The following SRRM4 variants were observed in gnomAD, a reference collection of about 807,000 sequenced individuals.
SRRM4 encodes the protein serine/arginine repetitive matrix 4.
Under a neutral mutation model 68.9 loss-of-function variants are expected in SRRM4, and 33 were observed. The ratio of observed to expected loss-of-function variants is 0.48; its 90% confidence interval spans 0.36 to 0.64. The LOEUF is 0.64. Ranked by LOEUF, SRRM4 falls within the 30% of genes least tolerant of loss-of-function variation. The probability of loss-of-function intolerance (pLI) is 0.00; values close to 1 mark genes in which losing one functional copy is unlikely to be tolerated. For synonymous variants in SRRM4, 318 were observed against 318.8 expected, an observed-to-expected ratio of 1.00 and a Z score of 0.03; for missense variants, 817 against 827.1, an observed-to-expected ratio of 0.99 and a Z score of 0.15.
At chr12:119,119,756 T>G (rs866256742) in intron 4 of SRRM4, among the ~76,000 whole-genome samples, 44 of 151,818 alleles carry the variant, frequency 2.9e-4, no homozygotes, top group African/African-American at 9.9e-4. Context: ...ACGGTGATGA[T>G]GAGGATGAGG....
At chr12:119,032,723 GT>G (rs1460308563) in intron 1 of SRRM4, among the ~76,000 whole-genome samples, 61 of 152,170 alleles carry the variant, frequency 4.0e-4, no homozygotes, top group African/African-American at 1.4e-3. Flanking sequence ...GATATTGCTG[GT>G]TCTTGGAGGT....
chr12:119,126,544 T>G (rs971126856), intron 7 of SRRM4, among the ~76,000 whole-genome samples: 5 of 152,282 alleles, frequency 3.3e-5, no homozygotes, highest in Admixed American at 2.0e-4. Context: ...CTAAGCAAAC[T>G]ATGTAAACCC....
At chr12:119,073,787 T>C (rs568286622) in intron 1 of SRRM4, among the ~76,000 whole-genome samples, 1 of 152,172 alleles carries the variant, frequency 6.6e-6, no homozygotes, top group South Asian at 2.1e-4. Flanking sequence ...GCCCTGCTAG[T>C]TTTTTAAATT....
intron 1 of SRRM4, among the ~76,000 whole-genome samples, chr12:119,072,571 C>T (rs1024775962): frequency 6.6e-6 from 1 of 152,116 alleles, no homozygotes; most frequent in Non-Finnish European, 1.5e-5. Context: ...ACTGTGTGCT[C>T]CGTGAGATAA....
chr12:119,075,711 T>TGGC (rs1953906972), intron 1 of SRRM4, among the ~76,000 whole-genome samples: 1 of 151,296 alleles, frequency 6.6e-6, no homozygotes, highest in African/African-American at 2.4e-5. Flanking sequence ...GTGATGATGG[T>TGGC]GATGTTGATG....
Position 119,082,890 on chromosome 12 carries a change from C to T in SRRM4, c.132-19346C>T, listed in dbSNP as rs549486847. On this transcript the variant is annotated intron_variant, in intron 1 of 12. Transcript: ENST00000267260. Reference sequence around the variant, plus strand: ...ATGGAGAAGGGTTTGGACTTGGGGACTTTAGCATTCTGCCTGATCTTTATG... The same window carrying T: ...ATGGAGAAGGGTTTGGACTTGGGGATTTTAGCATTCTGCCTGATCTTTATG... Among the ~76,000 whole-genome samples, 4 of 152,278 alleles carry T rather than the reference C, an allele frequency of 2.6e-5. No individual in the cohort carries two copies. The South Asian group carries it at 8.3e-4, about 32-fold the overall frequency.
intron 8 of SRRM4, among the ~76,000 whole-genome samples, chr12:119,139,380 T>C (rs1443512908): frequency 6.6e-6 from 1 of 152,210 alleles, no homozygotes; most frequent in African/African-American, 2.4e-5. Flanking sequence ...TTTCCTCCTC[T>C]TCTTGTGGAG....
intron 1 of SRRM4, among the ~76,000 whole-genome samples, chr12:119,090,988 C>G (rs1283151288): frequency 6.6e-6 from 1 of 152,174 alleles, no homozygotes; most frequent in Non-Finnish European, 1.5e-5. Context: ...ACTAACAAGC[C>G]CAGACCGCAG....
At chr12:119,006,318 G>A (rs1470079612) in intron 1 of SRRM4, among the ~76,000 whole-genome samples, 2 of 142,714 alleles carry the variant, frequency 1.4e-5, no homozygotes, top group African/African-American at 5.1e-5. Context: ...TGTGTGAGAA[G>A]AGACACTAGG....
chr12:119,041,306 T>C (rs982613770), intron 1 of SRRM4, among the ~76,000 whole-genome samples: 5 of 152,186 alleles, frequency 3.3e-5, no homozygotes, highest in African/African-American at 1.2e-4. Context: ...TAAATTAATA[T>C]GATTTTGATT....
At chr12:119,108,152 T>G (rs1273116778) in intron 2 of SRRM4, among the ~76,000 whole-genome samples, 1 of 152,260 alleles carries the variant, frequency 6.6e-6, no homozygotes, top group Non-Finnish European at 1.5e-5. Context: ...TCCTGAGTTC[T>G]AATTTGATTG....
In SRRM4 at chr12:119,093,281, GC is replaced by G. The variant is rs529973832; in HGVS notation, c.132-8954del. Among the ~76,000 whole-genome samples, 37 of 152,276 alleles carry G rather than the reference GC, an allele frequency of 2.4e-4. No individual in the cohort carries two copies. In the East Asian group the frequency reaches 4.1e-3, roughly 17 times the overall value. On this transcript the variant is annotated intron_variant, in intron 1 of 12. Coordinates refer to ENST00000267260, the MANE Select transcript of SRRM4 (RefSeq NM_194286.4). Reference sequence around the variant, plus strand: ...TTTCTCTATCTTGTTCCCAGTGCCTGCACATAATAGATGCTCAATAAATATT... The same window carrying G: ...TTTCTCTATCTTGTTCCCAGTGCCTGACATAATAGATGCTCAATAAATATT...
intron 1 of SRRM4, among the ~76,000 whole-genome samples, chr12:119,061,947 G>A (rs973855389): frequency 1.3e-5 from 2 of 152,174 alleles, no homozygotes; most frequent in Non-Finnish European, 2.9e-5. Flanking sequence ...GGATAGATAT[G>A]CAGTCATGCG....
chr12:119,100,337 A>T (rs1228171053), intron 1 of SRRM4, among the ~76,000 whole-genome samples: 1 of 151,208 alleles, frequency 6.6e-6, no homozygotes, highest in Non-Finnish European at 1.5e-5. Flanking sequence ...CAAAAAAAAA[A>T]AAAAAATCTG....
At chr12:119,067,567 G>T (rs1592884750) in intron 1 of SRRM4, among the ~76,000 whole-genome samples, 1 of 152,028 alleles carries the variant, frequency 6.6e-6, no homozygotes, top group Non-Finnish European at 1.5e-5. Context: ...AATTAGCCAG[G>T]TACAGTGGCG....
At chr12:119,111,443 A>G (rs1316490809) in intron 2 of SRRM4, among the ~76,000 whole-genome samples, 1 of 152,226 alleles carries the variant, frequency 6.6e-6, no homozygotes, top group Non-Finnish European at 1.5e-5. Flanking sequence ...CTTAAATGCA[A>G]ATCAAGGACG....
At chr12:119,120,184 CCTCTCTTTCTCT>C in intron 4 of SRRM4, 54 bp from the exon 5 acceptor site, 1 of 1,126,442 alleles carries the variant, frequency 8.9e-7, no homozygotes. Context: ...TCTCTCTCTC[CCTCTCTTTCTCT>C]GCCTTTTTTT....
intron 1 of SRRM4, among the ~76,000 whole-genome samples, chr12:119,017,447 TTG>T (rs527276175): frequency 1.3e-5 from 2 of 152,202 alleles, no homozygotes; most frequent in Non-Finnish European, 1.5e-5. Context: ...GACTGTGGGC[TTG>T]TGTGTCTGGG....
chr12:119,136,510 C>A (rs1413036711), intron 8 of SRRM4, among the ~76,000 whole-genome samples: 8 of 142,732 alleles, frequency 5.6e-5, no homozygotes, highest in Non-Finnish European at 1.0e-4. Context: ...TGGGAAGTGA[C>A]ATAGCATTGT....
Sources: allele counts gnomAD v4.1 joint callset (sites outside exome capture counted in the v4.1 genomes callset), GRCh38; gene constraint gnomAD v4.1.1; transcripts MANE v1.5; gene names NCBI Gene and HGNC (gene_info 2026-07-23, HGNC 2026-07-21).